The following PRKN variants were observed in gnomAD, a reference collection of about 807,000 sequenced individuals.
The protein encoded by PRKN is parkin RBR E3 ubiquitin protein ligase.
In PRKN, 56 loss-of-function variants were observed where a neutral mutation model predicts 59.5. The ratio of observed to expected loss-of-function variants is 0.94; its 90% CI spans 0.76 to 1.18. The LOEUF is 1.18. Ranked by LOEUF, PRKN falls within the 50% of genes most tolerant of loss-of-function variation. The probability of loss-of-function intolerance (pLI) is 0.00; values close to 1 mark genes in which losing one functional copy is unlikely to be tolerated. For synonymous variants in PRKN, 250 were observed against 222.1 expected, an observed-to-expected ratio of 1.13 and a Z score of -1.12; for missense variants, 657 against 596.4, an observed-to-expected ratio of 1.10 and a Z score of -1.06.
At position 161,506,903 on chromosome 6, in the gene PRKN, T is replaced by C. The variant is rs1233105715; in HGVS notation, c.1083+41951A>G. ...GAGACATTAACAAACTGTAACCCAT[T>C]TGGGCAAGGCTGCCACGGAGCCAGG... On this transcript the variant is annotated intron_variant, in intron 9 of 11. Transcript: ENST00000366898. 2.6e-5 allele frequency among the ~76,000 whole-genome samples: 4 copies of C among 152,054 alleles called. No homozygotes were observed. The South Asian group carries it at 8.3e-4, about 32-fold the overall frequency.
At chr6:161,978,778 CA>C (rs1781149099) in intron 5 of PRKN, among the ~76,000 whole-genome samples, 1 of 152,210 alleles carries the variant, frequency 6.6e-6, no homozygotes, top group Non-Finnish European at 1.5e-5. Context: ...ATGCCTGAGG[CA>C]AGGCTGCTCA....
At chr6:162,249,796 A>T (rs1779348066) in intron 3 of PRKN, among the ~76,000 whole-genome samples, 1 of 152,166 alleles carries the variant, frequency 6.6e-6, no homozygotes, top group Non-Finnish European at 1.5e-5. Context: ...GCCATGTTTC[A>T]TCTGGATGAA....
intron 1 of PRKN, among the ~76,000 whole-genome samples, chr6:162,468,196 C>T (rs1224748814): frequency 6.6e-6 from 1 of 152,174 alleles, no homozygotes; most frequent in East Asian, 1.9e-4. Flanking sequence ...ACAACCGAAT[C>T]AATAAATAGA....
At chr6:162,055,769 C>T (rs747334641) in intron 4 of PRKN, among the ~76,000 whole-genome samples, 2 of 152,098 alleles carry the variant, frequency 1.3e-5, no homozygotes, top group Non-Finnish European at 1.5e-5. Context: ...GGAGCTAAAT[C>T]GGTCATCACA....
chr6:162,524,229 T>C (rs937873257), intron 1 of PRKN, among the ~76,000 whole-genome samples: 6 of 152,216 alleles, frequency 3.9e-5, no homozygotes, highest in East Asian at 1.9e-4. Flanking sequence ...TTAATCAACA[T>C]ATTTTATGCT....
chr6:161,946,825 C>T (rs915458111), intron 6 of PRKN, among the ~76,000 whole-genome samples: 2 of 152,154 alleles, frequency 1.3e-5, no homozygotes, highest in African/African-American at 4.8e-5. Context: ...AAATAAATTA[C>T]AGTACAATGG....
chr6:162,435,199 T>C (rs901851533), intron 2 of PRKN, among the ~76,000 whole-genome samples: 2 of 152,184 alleles, frequency 1.3e-5, no homozygotes, highest in African/African-American at 4.8e-5. Flanking sequence ...AGTTTGGAGA[T>C]TGGATTGCTG....
rs566216267 is a variant in PRKN at position 161,789,505 on chromosome 6, A to C, written c.735-3597T>G. Among the ~76,000 whole-genome samples the C allele has an allele frequency of 1.3e-4, 20 of 152,266 alleles. No individual in the cohort carries two copies. The South Asian group carries it at 4.1e-3, about 32-fold the overall frequency. On this transcript the variant is annotated intron_variant, in intron 6 of 11. Transcript: ENST00000366898. Reference sequence around the variant, plus strand: ...TAGTCTCACGGTAATACTCACCTTCATATTCAAAGCCAAATCACAAATTCC... The same window carrying C: ...TAGTCTCACGGTAATACTCACCTTCCTATTCAAAGCCAAATCACAAATTCC...
chr6:161,823,690 G>T (rs942959122), intron 6 of PRKN, among the ~76,000 whole-genome samples: 2 of 152,140 alleles, frequency 1.3e-5, no homozygotes, highest in East Asian at 3.9e-4. Flanking sequence ...GGCAAGTCAG[G>T]TTTCATGACT....
chr6:161,581,041 AACACACACAC>A lies in PRKN; in HGVS notation c.872-11635_872-11626del, dbSNP rs71004055. Among the ~76,000 whole-genome samples the A allele has an allele frequency of 8.7e-5, 12 of 137,538 alleles. No homozygotes were observed. Among genetic ancestry groups the A allele is most frequent in the East Asian group, 2.3e-4 (1 of 4,428 alleles). 90.2% of individuals were successfully genotyped at this position (137,538 alleles called of 152,430 possible). A position where few individuals can be genotyped will look rare whatever the true frequency, so the allele number is the denominator to read the frequency against. On this transcript the variant is annotated intron_variant, in intron 7 of 11. Coordinates refer to ENST00000366898, the MANE Select transcript of PRKN (RefSeq NM_004562.3). The surrounding 1 kb of genome is among the most constrained non-coding windows in gnomAD (Gnocchi z 4.5). ...ACACAGTGAAATCCTGTCTCTACTA[AACACACACAC>A]ACACACACACACACACACACACACA...
rs541031985 is a variant in PRKN, at chr6:161,621,454, C to T, written c.872-52038G>A. ...GCTGGGGGTCCTGGGGTCCTGATGT[C>T]CAAGGGCAGGAGGAGGAGAGTGTAT... On this transcript the variant is annotated intron_variant, in intron 7 of 11. Coordinates refer to ENST00000366898, the MANE Select transcript of PRKN (RefSeq NM_004562.3). 9.9e-5 allele frequency among the ~76,000 whole-genome samples: 15 copies of T among 152,156 alleles called. No homozygotes were observed. In the South Asian group the frequency reaches 3.1e-3, roughly 32 times the overall value.
chr6:161,559,105 A>G (rs1182768822), intron 8 of PRKN, among the ~76,000 whole-genome samples: 1 of 149,828 alleles, frequency 6.7e-6, no homozygotes, highest in Admixed American at 6.7e-5. Flanking sequence ...TCATATCCGG[A>G]AGCACAGTTT....
At chr6:161,910,915 T>C (rs533274693) in intron 6 of PRKN, among the ~76,000 whole-genome samples, 2 of 152,182 alleles carry the variant, frequency 1.3e-5, no homozygotes, top group Non-Finnish European at 1.5e-5. Context: ...TATTTTTAAA[T>C]TGAAGTATGT....
At chr6:162,314,130 G>GT (rs999490990) in intron 2 of PRKN, among the ~76,000 whole-genome samples, 5 of 152,130 alleles carry the variant, frequency 3.3e-5, no homozygotes, top group African/African-American at 1.2e-4. Flanking sequence ...ACAACACAGA[G>GT]TTCCCATGCA....
rs112072533 is a variant in PRKN at position 161,773,875 on chromosome 6, A to G, written c.871+11897T>C. Among the ~76,000 whole-genome samples the G allele has an allele frequency of 1.5e-3, 234 of 152,306 alleles. 4 individuals carry two copies. The highest frequency in any genetic ancestry group is 5.4e-3 in the African/African-American group (224 of 41,580). ...AGTCAGTTTGGAGAGTCGAAATTCA[A>G]GGAAAGTAAGAACTGGGCAAAGTTG... On this transcript the variant is annotated intron_variant, in intron 7 of 11. Transcript: ENST00000366898.
intron 9 of PRKN, among the ~76,000 whole-genome samples, chr6:161,436,792 T>C (rs1032384667): frequency 6.6e-6 from 1 of 152,088 alleles, no homozygotes; most frequent in African/African-American, 2.4e-5. Flanking sequence ...GAAATGTCTG[T>C]ATCTGTAAGA....
chr6:161,513,129 A>T (rs190373716), intron 9 of PRKN, among the ~76,000 whole-genome samples: 1 of 152,328 alleles, frequency 6.6e-6, no homozygotes, highest in African/African-American at 2.4e-5. Flanking sequence ...CGACTCATGA[A>T]AATGATAGAC....
intron 7 of PRKN, among the ~76,000 whole-genome samples, chr6:161,710,415 C>G (rs915955178): frequency 2.6e-5 from 4 of 152,140 alleles, no homozygotes; most frequent in Non-Finnish European, 5.9e-5. Flanking sequence ...GATGGGTTTA[C>G]TGGAACATGA....
At chr6:162,193,557 G>A (rs912882063) in intron 4 of PRKN, among the ~76,000 whole-genome samples, 8 of 152,138 alleles carry the variant, frequency 5.3e-5, no homozygotes, top group Non-Finnish European at 2.9e-5. Flanking sequence ...CATTGGAGGA[G>A]TCTTTGAGAG....
Sources: allele counts gnomAD v4.1 joint callset (sites outside exome capture counted in the v4.1 genomes callset), GRCh38; gene constraint gnomAD v4.1.1; non-coding constraint Gnocchi (gnomAD v3.1); transcripts MANE v1.5; gene names NCBI Gene and HGNC (gene_info 2026-07-23, HGNC 2026-07-21).